Variants in USP54 observed in about 807,000 individuals in gnomAD.
USP54 encodes ubiquitin specific peptidase 54.
USP54 carries 87 observed loss-of-function variants against 170.5 expected under a neutral mutation model. The observed-to-expected ratio is 0.51, with a 90% confidence interval of 0.43 to 0.61. The LOEUF is 0.61. Ranked by LOEUF, USP54 falls within the 20% of genes least tolerant of loss-of-function variation. USP54 has a pLI of 0.00. For synonymous variants in USP54, 655 were observed against 742.8 expected, an observed-to-expected ratio of 0.88 and a Z score of 1.92; for missense variants, 1,786 against 2,047.8, an observed-to-expected ratio of 0.87 and a Z score of 2.47.
chr10:73,542,877 A>G lies in USP54; in HGVS notation c.498T>C (p.Cys166=). The part of the protein sequence containing the change: ...FAMTLFEQCV[C]TSCGATSDPL... ...GATCAGAAGTGGCACCACAGCTAGT[A>G]CATACACACTGGGCAAAAGAGAAAA... The change falls in exon 7 of 24, where the codon TGT becomes TGC. Residue 166 remains cysteine, a synonymous_variant. Coordinates refer to ENST00000687698, the MANE Select transcript of USP54 (RefSeq NM_001391956.1). 4.3e-6 allele frequency: 7 copies of G among 1,614,162 alleles called. No individual in the cohort carries two copies. Among genetic ancestry groups the G allele is most frequent in the Non-Finnish European group, 5.1e-6 (6 of 1,180,034 alleles).
At chr10:73,553,337 G>C (rs1468088661) in intron 4 of USP54, 1 of 152,150 alleles carries the variant, frequency 6.6e-6, no homozygotes, top group Non-Finnish European at 1.5e-5. Flanking sequence ...CTCTGCTATT[G>C]TTAGGAAGAA....
At position 73,534,752 on chromosome 10, in the gene USP54, G is replaced by A; in HGVS notation, c.1163C>T (p.Ser388Leu). 1 of 1,613,980 alleles carries A rather than the reference G, an allele frequency of 6.2e-7. No homozygotes were observed. Among genetic ancestry groups the A allele is most frequent in the African/African-American group, 1.3e-5 (1 of 75,032 alleles). Reference protein sequence around the residue: ...SEDSGREPSISSDTRTDSSTE... With the variant: ...SEDSGREPSILSDTRTDSSTE... ...TGAGGAATCTGTTCGAGTGTCACTT[G>A]AGATGGAGGGCTCCCTCCCTGAGAG... The change falls in exon 12 of 24, where the codon TCA becomes TTA. Residue 388 changes from serine (S) to leucine (L), a missense_variant. Coordinates refer to ENST00000687698, the MANE Select transcript of USP54 (RefSeq NM_001391956.1).
chr10:73,505,040 G>T, intron 21 of USP54, 50 bp from the exon 22 acceptor site: 1 of 1,609,820 alleles, frequency 6.2e-7, no homozygotes, highest in Non-Finnish European at 8.5e-7. Flanking sequence ...CAGACTTATG[G>T]TTTTCCCACA....
intron 1 of USP54, among the ~76,000 whole-genome samples, chr10:73,610,182 T>TA (rs1208493842): frequency 6.6e-6 from 1 of 151,692 alleles, no homozygotes; most frequent in African/African-American, 2.4e-5. Flanking sequence ...TGCCTCAAAT[T>TA]AAAAAAATAA....
At chr10:73,544,390 C>T (rs942540165) in intron 5 of USP54, among the ~76,000 whole-genome samples, 1 of 152,126 alleles carries the variant, frequency 6.6e-6, no homozygotes, top group Non-Finnish European at 1.5e-5. Context: ...TTTGTTTAAC[C>T]GTCTACTCAC....
At chr10:73,582,403 T>G (rs1315596252) in intron 1 of USP54, among the ~76,000 whole-genome samples, 1 of 151,918 alleles carries the variant, frequency 6.6e-6, no homozygotes, top group Non-Finnish European at 1.5e-5. Flanking sequence ...TTTTTTTTTT[T>G]GAGACAGAGT....
chr10:73,545,422 T>C (rs2067570268), intron 5 of USP54, 116 bp downstream of exon 5: 11 of 1,333,612 alleles, frequency 8.2e-6, no homozygotes, highest in African/African-American at 1.5e-5. Context: ...AGAAAACTCC[T>C]AGTTCTAACT....
intron 4 of USP54, among the ~76,000 whole-genome samples, chr10:73,563,716 C>T (rs1255586559): frequency 6.6e-6 from 1 of 152,022 alleles, no homozygotes; most frequent in Non-Finnish European, 1.5e-5. Context: ...GGATTACAGG[C>T]GTGAGCCACC....
intron 1 of USP54, among the ~76,000 whole-genome samples, chr10:73,598,969 C>CT: frequency 6.6e-6 from 1 of 152,188 alleles, no homozygotes; most frequent in South Asian, 2.1e-4. Flanking sequence ...GTCCCAGCTA[C>CT]TTGGGAGGCT....
chr10:73,613,915 T>C (rs942808706), intron 1 of USP54: 8 of 150,404 alleles, frequency 5.3e-5, no homozygotes, highest in South Asian at 4.2e-4. Context: ...GAAAAAATTA[T>C]AGTTAGCAAA....
In USP54 at chr10:73,504,944, T is replaced by G; in HGVS notation, c.4217A>C (p.Gln1406Pro). The change falls in exon 22 of 24, where the codon CAG becomes CCG. Residue 1406 changes from glutamine to proline, a missense_variant. By Grantham distance (76) the Gln-to-Pro change is moderately conservative (BLOSUM62 -1). This residue lies in a region of USP54 where 1,418 missense variants were observed against 1,569.0 expected (regional missense o/e 0.90). Transcript: ENST00000687698. ...GCGACGTAAATTCTCTGCACTGTAC[T>G]GCTCATCCTCCCCACACTCCCTGCT... is the stretch of plus-strand genomic sequence containing the variant. ...GLSRECGEDEQYSAENLRRIS... is the reference protein window; with the variant it reads ...GLSRECGEDEPYSAENLRRIS... 1 of 1,614,126 alleles carries G rather than the reference T, an allele frequency of 6.2e-7. No individual in the cohort carries two copies. Among genetic ancestry groups the G allele is most frequent in the South Asian group, 1.1e-5 (1 of 91,082 alleles).
intron 22 of USP54, among the ~76,000 whole-genome samples, chr10:73,503,818 T>C (rs1160162762): frequency 6.6e-6 from 1 of 152,160 alleles, no homozygotes; most frequent in Non-Finnish European, 1.5e-5. Context: ...CTGCAACCTC[T>C]GCCACCCGGA....
chr10:73,582,484 C>T (rs573869827), intron 1 of USP54, among the ~76,000 whole-genome samples: 78 of 152,098 alleles, frequency 5.1e-4, no homozygotes, highest in African/African-American at 1.9e-3. Context: ...CTCCACCTCC[C>T]GGGTTCAAGC....
intron 2 of USP54, 23 bp from the exon 3 acceptor site, chr10:73,575,698 T>G: frequency 6.5e-7 from 1 of 1,527,800 alleles, no homozygotes; most frequent in South Asian, 1.3e-5. Flanking sequence ...TGGAGAAGGA[T>G]TTGTGCCTTT....
At chr10:73,524,439 G>A (rs1358127149) in intron 16 of USP54, among the ~76,000 whole-genome samples, 3 of 151,916 alleles carry the variant, frequency 2.0e-5, no homozygotes, top group Non-Finnish European at 4.4e-5. Flanking sequence ...AATTAGCCAG[G>A]TTTGGTGGCA....
intron 9 of USP54, among the ~76,000 whole-genome samples, chr10:73,539,883 T>G (rs1398986385): frequency 6.6e-6 from 1 of 152,078 alleles, no homozygotes; most frequent in East Asian, 1.9e-4. Context: ...TCCTACACTT[T>G]GGGAGGGTGA....
At chr10:73,533,644 T>C (rs1350147714) in intron 12 of USP54, among the ~76,000 whole-genome samples, 1 of 152,166 alleles carries the variant, frequency 6.6e-6, no homozygotes, top group African/African-American at 2.4e-5. Context: ...TGGACACTGT[T>C]CTATGCCTTA....
At chr10:73,575,713 C>A in intron 2 of USP54, 38 bp from the exon 3 acceptor site, 1 of 1,504,188 alleles carries the variant, frequency 6.6e-7, no homozygotes, top group Non-Finnish European at 8.9e-7. Flanking sequence ...GCCTTTTTGG[C>A]AGGAATTTCT....
intron 4 of USP54, among the ~76,000 whole-genome samples, chr10:73,552,748 A>G (rs1156909326): frequency 6.6e-6 from 1 of 152,182 alleles, no homozygotes; most frequent in Non-Finnish European, 1.5e-5. Context: ...CTGAGATCAC[A>G]CCACTGTACT....
Sources: gnomAD v4.1 joint callset for allele counts (sites outside exome capture counted in the v4.1 genomes callset) on GRCh38, gnomAD v4.1.1 for gene constraint, gnomAD v4.1.1 regional missense constraint, MANE v1.5 for transcripts, NCBI Gene and HGNC (gene_info 2026-07-23, HGNC 2026-07-21) for gene names.